Variants in CLSTN2 observed in about 807,000 individuals in gnomAD.
The protein encoded by CLSTN2 is calsyntenin-2.
CLSTN2 carries 48 observed loss-of-function variants against 101.2 expected under a neutral mutation model. The observed-to-expected ratio is 0.47, with a 90% CI of 0.38 to 0.60. The LOEUF is 0.60. Among genes scored for constraint, CLSTN2 ranks in the 20% least tolerant of loss-of-function variants. CLSTN2 has a pLI of 0.00. For synonymous variants in CLSTN2, 481 were observed against 463.6 expected (o/e 1.04, Z -0.48); for missense variants, 1,160 against 1,238.2 (o/e 0.94, Z 0.95).
rs1399975400 is a variant in CLSTN2 at position 140,563,076 on chromosome 3, C to T, written c.2359-4C>T. Reference sequence around the variant, plus strand: ...TCAATAGCACCTCTCCCCACTCTTCCCAGGTCAGCATCCTTCATGAAGACC... The same window carrying T: ...TCAATAGCACCTCTCCCCACTCTTCTCAGGTCAGCATCCTTCATGAAGACC... On this transcript the variant is annotated splice_polypyrimidine_tract_variant and splice_region_variant and intron_variant, in intron 14 of 16. Coordinates refer to ENST00000458420, the MANE Select transcript of CLSTN2 (RefSeq NM_022131.3). The T allele has an allele frequency of 4.3e-6, 7 of 1,613,944 alleles. No individual in the cohort carries two copies. The African/African-American group carries it at 6.7e-5, about 15-fold the overall frequency.
chr3:140,350,946 C>T (rs2087599342), intron 2 of CLSTN2, among the ~76,000 whole-genome samples: 1 of 152,208 alleles, frequency 6.6e-6, no homozygotes, highest in African/African-American at 2.4e-5. Context: ...TCAGACCCTG[C>T]AGTAGATTTA....
At chr3:139,938,066 G>GT (rs1283938506) in intron 1 of CLSTN2, among the ~76,000 whole-genome samples, 2 of 143,582 alleles carry the variant, frequency 1.4e-5, no homozygotes, top group Non-Finnish European at 3.0e-5. Flanking sequence ...TGATAAAGCT[G>GT]TATGTTTTGT....
chr3:140,384,400 C>T (rs1213615196), intron 2 of CLSTN2, among the ~76,000 whole-genome samples: 1 of 152,198 alleles, frequency 6.6e-6, no homozygotes, highest in East Asian at 1.9e-4. Context: ...GATTTTCAAA[C>T]TTCCCCTCCG....
chr3:140,491,880 A>C (rs1333504007), intron 8 of CLSTN2, among the ~76,000 whole-genome samples: 1 of 152,144 alleles, frequency 6.6e-6, no homozygotes, highest in East Asian at 1.9e-4. Context: ...GTGACAGAAG[A>C]GGTATGTGAA....
chr3:140,100,147 C>T (rs964289101), intron 1 of CLSTN2, among the ~76,000 whole-genome samples: 5 of 145,420 alleles, frequency 3.4e-5, no homozygotes, highest in African/African-American at 1.0e-4. Context: ...TTGCATTTCT[C>T]TTTTTTTTTT....
chr3:140,115,529 G>A (rs1369644397), intron 1 of CLSTN2, among the ~76,000 whole-genome samples: 1 of 152,102 alleles, frequency 6.6e-6, no homozygotes, highest in African/African-American at 2.4e-5. Context: ...AATTTGAATA[G>A]CAAGTTCTCT....
At chr3:140,279,912 C>T (rs781294245) in intron 2 of CLSTN2, among the ~76,000 whole-genome samples, 20 of 152,314 alleles carry the variant, frequency 1.3e-4, no homozygotes, top group Non-Finnish European at 2.4e-4. Context: ...GTAGCACAAC[C>T]TTGCAGGTGC....
At chr3:140,484,147 C>T (rs1056456253) in intron 8 of CLSTN2, among the ~76,000 whole-genome samples, 30 of 152,202 alleles carry the variant, frequency 2.0e-4, no homozygotes, top group Admixed American at 1.1e-3. Flanking sequence ...AGCTCTTTTA[C>T]GGCAGGCCTG....
chr3:140,155,856 T>A (rs1370642376), intron 1 of CLSTN2, among the ~76,000 whole-genome samples: 1 of 152,240 alleles, frequency 6.6e-6, no homozygotes. Flanking sequence ...ATTCAGTGCA[T>A]TGAGATTGCC....
chr3:140,268,981 A>T (rs2086718533), intron 2 of CLSTN2, among the ~76,000 whole-genome samples: 1 of 152,188 alleles, frequency 6.6e-6, no homozygotes, highest in Non-Finnish European at 1.5e-5. Context: ...GTTATTCAGT[A>T]GAGATTTGTT....
At chr3:139,998,544 C>CT (rs148567900) in intron 1 of CLSTN2, among the ~76,000 whole-genome samples, 45,124 of 151,074 alleles carry the variant, frequency 0.3, 8,312 homozygotes, top group South Asian at 0.42. Context: ...CGGGGTTTCA[C>CT]CGTGTTTGCC....
chr3:140,278,910 AG>A (rs1045162621), intron 2 of CLSTN2, among the ~76,000 whole-genome samples: 6 of 152,040 alleles, frequency 3.9e-5, no homozygotes, highest in African/African-American at 1.4e-4. Flanking sequence ...TTCTAGAGAC[AG>A]GGTCTCACTA....
chr3:140,186,342 C>T (rs958083704), intron 2 of CLSTN2, among the ~76,000 whole-genome samples: 9 of 152,158 alleles, frequency 5.9e-5, no homozygotes, highest in African/African-American at 2.2e-4. Context: ...TTGGAGCCCA[C>T]CACAAATATT....
chr3:140,280,483 TGAG>T (rs1332275402), intron 2 of CLSTN2, among the ~76,000 whole-genome samples: 1 of 152,162 alleles, frequency 6.6e-6, no homozygotes, highest in Non-Finnish European at 1.5e-5. Context: ...AGGACTAGTT[TGAG>T]GAGAATTCTT....
intron 5 of CLSTN2, among the ~76,000 whole-genome samples, chr3:140,421,618 T>C (rs1019951027): frequency 2.0e-5 from 3 of 152,194 alleles, no homozygotes; most frequent in African/African-American, 7.2e-5. Flanking sequence ...TGGGTCTACC[T>C]GATGCATTTC....
chr3:139,978,988 A>G lies in CLSTN2; in HGVS notation c.109+43505A>G, dbSNP rs529521480. ...ATGTGCCTATAGAACTTTGATGACA[A>G]ATAATTATTCATTTTTTTAAGTGAA... On this transcript the variant is annotated intron_variant, in intron 1 of 16. Transcript: ENST00000458420. 1.7e-4 allele frequency among the ~76,000 whole-genome samples: 26 copies of G among 152,272 alleles called. No individual in the cohort carries two copies. The East Asian group carries it at 4.8e-3, about 28-fold the overall frequency.
chr3:140,099,604 C>T (rs1278755773), intron 1 of CLSTN2, among the ~76,000 whole-genome samples: 6 of 152,186 alleles, frequency 3.9e-5, no homozygotes, highest in Non-Finnish European at 7.3e-5. Context: ...ATTCAACTCA[C>T]TACAACTTCC....
intron 1 of CLSTN2, among the ~76,000 whole-genome samples, chr3:140,057,848 A>C (rs1343884749): frequency 6.6e-6 from 1 of 152,210 alleles, no homozygotes; most frequent in East Asian, 1.9e-4. Flanking sequence ...ATTCCTATAA[A>C]CTAGGTTAAC....
intron 2 of CLSTN2, among the ~76,000 whole-genome samples, chr3:140,312,722 A>G (rs1327136588): frequency 6.6e-6 from 1 of 152,242 alleles, no homozygotes; most frequent in African/African-American, 2.4e-5. Flanking sequence ...TGAAATTGTA[A>G]TTAATTTGAG....
Sources: gnomAD v4.1 joint callset for allele counts (sites outside exome capture counted in the v4.1 genomes callset) on GRCh38, gnomAD v4.1.1 for gene constraint, MANE v1.5 for transcripts, NCBI Gene and HGNC (gene_info 2026-07-23, HGNC 2026-07-21) for gene names.